GRIA1: variants seen among roughly 807,000 people sequenced by gnomAD.
GRIA1 encodes glutamate ionotropic receptor AMPA type subunit 1.
GRIA1 carries 31 observed loss-of-function variants against 99.2 expected under a neutral mutation model. That is an observed-to-expected ratio of 0.31 (90% confidence interval 0.23 to 0.42). The LOEUF is 0.42. Among genes scored for constraint, GRIA1 ranks in the 10% least tolerant of loss-of-function variants. The probability of loss-of-function intolerance (pLI) is 1.00; values close to 1 mark genes in which losing one functional copy is unlikely to be tolerated. For missense variants in GRIA1, 782 were observed against 1,157.5 expected (o/e 0.68, Z 4.71); for synonymous variants, 438 against 432.4 (o/e 1.01, Z -0.16).
intron 2 of GRIA1, among the ~76,000 whole-genome samples, chr5:153,619,757 C>G (rs1200492883): frequency 6.6e-6 from 1 of 152,124 alleles, no homozygotes; most frequent in Non-Finnish European, 1.5e-5. Context: ...ACTACTACAA[C>G]CGTTTGGCCT....
In GRIA1 at chr5:153,595,363, G is replaced by A. The variant is rs76693387; in HGVS notation, c.221-51565G>A. On this transcript the variant is annotated intron_variant, in intron 2 of 15. Transcript: ENST00000285900. ...GATTAAAATCTTACATTAGTGTGGT[G>A]CATTTGTCACAGTTAATGAACCAAT... 4.7e-3 allele frequency among the ~76,000 whole-genome samples: 710 copies of A among 152,220 alleles called. 6 individuals carry two copies. Among genetic ancestry groups the A allele is most frequent in the African/African-American group, 0.016 (673 of 41,524 alleles).
intron 2 of GRIA1, among the ~76,000 whole-genome samples, chr5:153,547,340 A>G (rs1336825760): frequency 1.3e-5 from 2 of 152,166 alleles, no homozygotes; most frequent in Non-Finnish European, 2.9e-5. Context: ...TCTAGGCTAT[A>G]GAAATGTCTC....
chr5:153,658,641 A>G (rs1388709543), intron 5 of GRIA1, among the ~76,000 whole-genome samples: 1 of 152,222 alleles, frequency 6.6e-6, no homozygotes. Flanking sequence ...GATAATTTTT[A>G]GAATTTCTGC....
intron 2 of GRIA1, among the ~76,000 whole-genome samples, chr5:153,503,631 T>C (rs1424294535): frequency 6.6e-6 from 1 of 152,218 alleles, no homozygotes; most frequent in African/African-American, 2.4e-5. Context: ...TTATCCAAGA[T>C]CTAAATATAT....
intron 2 of GRIA1, among the ~76,000 whole-genome samples, chr5:153,600,417 G>A (rs1390432444): frequency 5.4e-4 from 26 of 48,558 alleles, no homozygotes; most frequent in African/African-American, 1.0e-3. Flanking sequence ...AAAAAAAAAA[G>A]TATGGAGTTT....
intron 5 of GRIA1, among the ~76,000 whole-genome samples, chr5:153,668,414 GA>G (rs1398305496): frequency 6.6e-6 from 1 of 151,876 alleles, no homozygotes; most frequent in Non-Finnish European, 1.5e-5. Flanking sequence ...TAATTGTTGG[GA>G]AAAAAATCAA....
intron 11 of GRIA1, among the ~76,000 whole-genome samples, chr5:153,708,649 A>AT (rs918733244): frequency 2.0e-5 from 3 of 152,076 alleles, no homozygotes; most frequent in Non-Finnish European, 2.9e-5. Context: ...ATGTTAATTG[A>AT]TTTTTTTTAA....
intron 2 of GRIA1, among the ~76,000 whole-genome samples, chr5:153,627,310 A>G (rs1289626012): frequency 6.6e-6 from 1 of 152,194 alleles, no homozygotes. Flanking sequence ...ACAGATGAGC[A>G]AGCAAAGGTT....
intron 11 of GRIA1, among the ~76,000 whole-genome samples, chr5:153,711,845 T>C (rs1211756594): frequency 1.3e-5 from 2 of 152,134 alleles, no homozygotes; most frequent in Non-Finnish European, 2.9e-5. Context: ...GCTAGGAGAA[T>C]GGAGGAAAAT....
chr5:153,728,600 A>T (rs1296307535), intron 11 of GRIA1, among the ~76,000 whole-genome samples: 1 of 95,278 alleles, frequency 1.0e-5, no homozygotes, highest in African/African-American at 4.5e-5. Context: ...TCTCAAAAGA[A>T]GACATTTATG....
At chr5:153,697,102 C>A (rs969798068) in intron 8 of GRIA1, among the ~76,000 whole-genome samples, 1 of 152,212 alleles carries the variant, frequency 6.6e-6, no homozygotes, top group African/African-American at 2.4e-5. Context: ...TCTCCCTAAC[C>A]TGAAAGGTTT....
intron 15 of GRIA1, among the ~76,000 whole-genome samples, chr5:153,803,462 C>A (rs1054466760): frequency 2.0e-5 from 3 of 152,188 alleles, no homozygotes; most frequent in Non-Finnish European, 2.9e-5. Flanking sequence ...TCTCCAGCAC[C>A]TTTCACCTTC....
rs1758637406 is a variant in GRIA1 at position 153,702,963 on chromosome 5, A to G, written c.1453-2734A>G. 2.0e-5 allele frequency among the ~76,000 whole-genome samples: 3 copies of G among 152,194 alleles called. No homozygotes were observed. In the South Asian group the frequency reaches 6.2e-4, roughly 31 times the overall value. On this transcript the variant is annotated intron_variant, in intron 10 of 15. Transcript: ENST00000285900. ...ACAACTGTTTCTTTTGAGGCTACAC[A>G]ATCAGCCAGTTGCAGAGAAGAGCAG...
intron 6 of GRIA1, among the ~76,000 whole-genome samples, chr5:153,675,298 A>G (rs531549932): frequency 3.4e-4 from 52 of 152,272 alleles, no homozygotes; most frequent in Non-Finnish European, 6.3e-4. Context: ...CTGCTCAGCC[A>G]TGTGCCCAGC....
intron 14 of GRIA1, among the ~76,000 whole-genome samples, 185 bp from the exon 15 acceptor site, chr5:153,802,171 C>G (rs1214704645): frequency 6.6e-6 from 1 of 152,068 alleles, no homozygotes; most frequent in Admixed American, 6.5e-5. Context: ...TACACACACA[C>G]TTTTTTCCTG....
chr5:153,661,957 T>C (rs911894153), intron 5 of GRIA1, among the ~76,000 whole-genome samples: 3 of 152,190 alleles, frequency 2.0e-5, no homozygotes, highest in African/African-American at 7.2e-5. Flanking sequence ...GTCCTACCTC[T>C]GAGACAGCCC....
chr5:153,747,532 TC>T (rs777942790), intron 11 of GRIA1, among the ~76,000 whole-genome samples: 4 of 152,198 alleles, frequency 2.6e-5, no homozygotes, highest in Non-Finnish European at 5.9e-5. Flanking sequence ...ATGTCAAGTG[TC>T]TTCCATAGCA....
intron 11 of GRIA1, among the ~76,000 whole-genome samples, chr5:153,763,348 G>T (rs1436787543): frequency 6.6e-6 from 1 of 152,162 alleles, no homozygotes; most frequent in Non-Finnish European, 1.5e-5. Flanking sequence ...AAACTCATGG[G>T]TTGCATTGGT....
Position 153,757,471 on chromosome 5 carries a change from C to G in GRIA1, c.1824-6963C>G, listed in dbSNP as rs1581605263. On this transcript the variant is annotated intron_variant, in intron 11 of 15. Coordinates refer to ENST00000285900, the MANE Select transcript of GRIA1 (RefSeq NM_000827.4). ...TCAAAAGTCACCAATAGATTCAACCCAAATAAGACTATCTCAGACAAGTTG... is the reference window on the plus strand; with the variant it reads ...TCAAAAGTCACCAATAGATTCAACCGAAATAAGACTATCTCAGACAAGTTG... Among the ~76,000 whole-genome samples, 6 of 152,198 alleles carry G rather than the reference C, an allele frequency of 3.9e-5. 1 individual carries two copies. Among genetic ancestry groups the G allele is most frequent in the Admixed American group, 3.9e-4 (6 of 15,300 alleles).
Sources: gnomAD v4.1 joint callset for allele counts (sites outside exome capture counted in the v4.1 genomes callset) on GRCh38, gnomAD v4.1.1 for gene constraint, MANE v1.5 for transcripts, NCBI Gene and HGNC (gene_info 2026-07-23, HGNC 2026-07-21) for gene names.